The following LITAF variants were observed in gnomAD, a reference collection of about 807,000 sequenced individuals.
The protein encoded by LITAF is lipopolysaccharide-induced tumor necrosis factor-alpha factor.
In LITAF, 9 loss-of-function variants were observed where a neutral mutation model predicts 14.5. The observed-to-expected ratio is 0.62, with a 90% CI of 0.37 to 1.08. The LOEUF is 1.08. Ranked by LOEUF, LITAF falls within the 50% of genes least tolerant of loss-of-function variation. LITAF has a pLI of 0.01. For synonymous variants in LITAF, 98 were observed against 88.2 expected, an observed-to-expected ratio of 1.11 and a Z score of -0.62; for missense variants, 206 against 213.4, an observed-to-expected ratio of 0.97 and a Z score of 0.22.
At chr16:11,551,213 C>A (rs1238485816) in intron 3 of LITAF, among the ~76,000 whole-genome samples, 1 of 152,164 alleles carries the variant, frequency 6.6e-6, no homozygotes, top group East Asian at 1.9e-4. Context: ...AAATTTCCTC[C>A]TATTGCCTAA....
intron 1 of LITAF, among the ~76,000 whole-genome samples, chr16:11,557,542 C>T (rs1404576919): frequency 6.6e-6 from 1 of 152,082 alleles, no homozygotes; most frequent in Non-Finnish European, 1.5e-5. Context: ...CTCCACCACC[C>T]AGGCTCAGGT....
chr16:11,568,673 G>GTTTTTTT (rs374757371), intron 1 of LITAF, among the ~76,000 whole-genome samples: 6 of 116,368 alleles, frequency 5.2e-5, no homozygotes, highest in Admixed American at 8.1e-5. Context: ...GTACACCCTT[G>GTTTTTTT]TTTTTTTTTG....
chr16:11,631,761 T>C (rs1422320924), intron 3 of LITAF, among the ~76,000 whole-genome samples: 1 of 152,178 alleles, frequency 6.6e-6, no homozygotes, highest in Admixed American at 6.5e-5. Flanking sequence ...ACACCCGTCA[T>C]TGGGTTTAGA....
chr16:11,612,564 C>T (rs1028550509), intron 3 of LITAF, among the ~76,000 whole-genome samples: 1 of 152,196 alleles, frequency 6.6e-6, no homozygotes, highest in African/African-American at 2.4e-5. Context: ...CGGCCAGGGC[C>T]GGCCCAGCTC....
chr16:11,549,177 C>T lies in LITAF; in HGVS notation c.*460G>A, dbSNP rs1043783913. The T allele has an allele frequency of 2.2e-5, 10 of 453,952 alleles. No homozygotes were observed. The highest frequency in any genetic ancestry group is 4.0e-5 in the Non-Finnish European group (9 of 226,770). 28.1% of individuals were successfully genotyped at this position (453,952 alleles called of 1,614,324 possible). The stretch of plus-strand genomic sequence containing the variant: ...CTTTGTCATCAGGGACGGGAAGAGA[C>T]GGATAAGATAATGGTAGGCACTAAA... On this transcript the variant is annotated 3_prime_UTR_variant, in exon 4 of 4. Coordinates refer to ENST00000622633, the MANE Select transcript of LITAF (RefSeq NM_001136472.2). The surrounding 1 kb of genome is among the most constrained non-coding windows in gnomAD (Gnocchi z 4.6).
At chr16:11,581,795 T>C (rs1483473402) in intron 1 of LITAF, among the ~76,000 whole-genome samples, 1 of 152,154 alleles carries the variant, frequency 6.6e-6, no homozygotes, top group Non-Finnish European at 1.5e-5. Flanking sequence ...TCCCAAACTC[T>C]GCCCAGCTGA....
Position 11,553,720 on chromosome 16 carries a change from T to G in LITAF, c.221-31A>C. 1.9e-6 allele frequency: 3 copies of G among 1,613,624 alleles called. No homozygotes were observed. The South Asian group carries it at 3.3e-5, about 18-fold the overall frequency. On this transcript the variant is annotated intron_variant, in intron 2 of 3. Coordinates refer to ENST00000622633, the MANE Select transcript of LITAF (RefSeq NM_001136472.2). This position sits in a 1 kb window ranked among gnomAD's most constrained non-coding sequence, Gnocchi z 7.7. The stretch of plus-strand genomic sequence containing the variant: ...GAAAGGGAGAGGGACAAACACAGGT[T>G]GCTCAGGAAACAAGGCCAATAGCAT...
At chr16:11,618,693 C>A (rs2065031587) in intron 3 of LITAF, among the ~76,000 whole-genome samples, 1 of 152,248 alleles carries the variant, frequency 6.6e-6, no homozygotes, top group African/African-American at 2.4e-5. Flanking sequence ...AAATTAAAAA[C>A]CCCCGCACTG....
At chr16:11,589,471 T>C (rs1441809079), upstream of LITAF, among the ~76,000 whole-genome samples, 1 of 152,186 alleles carries the variant, frequency 6.6e-6, no homozygotes, top group Non-Finnish European at 1.5e-5. Flanking sequence ...GCATCCAGAT[T>C]GAAAAGGATA....
At chr16:11,597,627 G>C (rs1350888834) in intron 1 of LITAF, among the ~76,000 whole-genome samples, 1 of 152,144 alleles carries the variant, frequency 6.6e-6, no homozygotes, top group Non-Finnish European at 1.5e-5. Context: ...GGAGAGCTTA[G>C]AGCTTTCTAG....
chr16:11,551,311 CACA>C (rs1268785880), intron 3 of LITAF, among the ~76,000 whole-genome samples: 2 of 152,138 alleles, frequency 1.3e-5, no homozygotes, highest in Non-Finnish European at 2.9e-5. Flanking sequence ...CTCCAGGCAG[CACA>C]CACACATATT....
At chr16:11,591,095 A>G (rs1393360635), upstream of LITAF, among the ~76,000 whole-genome samples, 1 of 118,944 alleles carries the variant, frequency 8.4e-6, no homozygotes, top group Non-Finnish European at 1.7e-5. Context: ...AGACAAGCTG[A>G]TCCTAAAATT....
chr16:11,620,752 A>T (rs1229712121), intron 3 of LITAF, among the ~76,000 whole-genome samples: 1 of 152,246 alleles, frequency 6.6e-6, no homozygotes, highest in Non-Finnish European at 1.5e-5. Context: ...TCAGGGAGAC[A>T]GACAATAGGG....
At chr16:11,573,996 C>G (rs2064588677) in intron 1 of LITAF, among the ~76,000 whole-genome samples, 1 of 138,710 alleles carries the variant, frequency 7.2e-6, no homozygotes, top group African/African-American at 2.7e-5. Flanking sequence ...GCCAAGGTGC[C>G]CGGCGTTTTT....
At chr16:11,619,574 G>GA (rs1555473639) in intron 3 of LITAF, among the ~76,000 whole-genome samples, 162 of 144,314 alleles carry the variant, frequency 1.1e-3, no homozygotes, top group African/African-American at 3.5e-3. Flanking sequence ...CTTTGTTTTT[G>GA]TTTTTTTTTT....
chr16:11,619,909 T>C (rs2065039992), intron 3 of LITAF, among the ~76,000 whole-genome samples: 1 of 152,178 alleles, frequency 6.6e-6, no homozygotes, highest in African/African-American at 2.4e-5. Flanking sequence ...GGCTCATGCC[T>C]GTAATCCCAG....
chr16:11,568,688 T>TTG (rs1201634342), intron 1 of LITAF, among the ~76,000 whole-genome samples: 12 of 150,234 alleles, frequency 8.0e-5, no homozygotes, highest in East Asian at 3.9e-4. Context: ...TTTTTGTTTT[T>TTG]TTTTTTTTTG....
At chr16:11,585,738 G>C (rs751546848) in intron 1 of LITAF, among the ~76,000 whole-genome samples, 17 of 152,222 alleles carry the variant, frequency 1.1e-4, no homozygotes, top group Non-Finnish European at 2.4e-4. Flanking sequence ...CTGGGCTTCA[G>C]ACAGTCTTTG....
chr16:11,567,870 G>C (rs980998222), intron 1 of LITAF, among the ~76,000 whole-genome samples: 1 of 152,178 alleles, frequency 6.6e-6, no homozygotes, highest in African/African-American at 2.4e-5. Context: ...TGTAATCCCA[G>C]CTATGTGGGT....
Sources: gnomAD v4.1 joint callset for allele counts (sites outside exome capture counted in the v4.1 genomes callset) on GRCh38, gnomAD v4.1.1 for gene constraint, Gnocchi (gnomAD v3.1) non-coding constraint, MANE v1.5 for transcripts, NCBI Gene and HGNC (gene_info 2026-07-23, HGNC 2026-07-21) for gene names.